The following PCCA variants were observed in gnomAD, a reference collection of about 807,000 sequenced individuals.
PCCA encodes propionyl-CoA carboxylase subunit alpha, also known as propionyl-CoA carboxylase alpha chain, mitochondrial.
Under a neutral mutation model 101.3 loss-of-function variants are expected in PCCA, and 74 were observed. That is an observed-to-expected ratio of 0.73 (90% confidence interval 0.61 to 0.89). The LOEUF (loss-of-function observed/expected upper bound fraction) is 0.89, where lower values mean the gene tolerates loss of function less well. PCCA is among the 40% of genes least tolerant of loss of function. The probability of loss-of-function intolerance (pLI) is 0.00; values close to 1 mark genes in which losing one functional copy is unlikely to be tolerated. For synonymous variants in PCCA, 294 were observed against 313.6 expected (o/e 0.94, Z 0.66); for missense variants, 891 against 907.0 (o/e 0.98, Z 0.23).
chr13:100,221,466 T>A (rs1418711862), intron 7 of PCCA, among the ~76,000 whole-genome samples: 1 of 152,196 alleles, frequency 6.6e-6, no homozygotes, highest in Non-Finnish European at 1.5e-5. Flanking sequence ...TTGGTTATCT[T>A]CTTAGGAGGC....
At chr13:100,314,871 T>C (rs1221911750) in intron 16 of PCCA, among the ~76,000 whole-genome samples, 1 of 152,194 alleles carries the variant, frequency 6.6e-6, no homozygotes, top group African/African-American at 2.4e-5. Flanking sequence ...TGTTTTTCTT[T>C]TGTAGTAAGG....
intron 4 of PCCA, among the ~76,000 whole-genome samples, chr13:100,116,756 A>G (rs777198855): frequency 2.6e-5 from 4 of 152,144 alleles, no homozygotes; most frequent in Non-Finnish European, 4.4e-5. Flanking sequence ...GGAGTTGGCA[A>G]CCTTTTTTTG....
chr13:100,134,830 G>GCCTA (rs2050961075), intron 4 of PCCA, among the ~76,000 whole-genome samples: 1 of 152,108 alleles, frequency 6.6e-6, no homozygotes, highest in South Asian at 2.1e-4. Context: ...GAGCCACCAT[G>GCCTA]CCTAGCCTGT....
intron 19 of PCCA, among the ~76,000 whole-genome samples, chr13:100,414,520 A>G (rs1203783215): frequency 6.6e-6 from 1 of 152,226 alleles, no homozygotes; most frequent in South Asian, 2.1e-4. Context: ...GAGTTTTGTC[A>G]TGCTTTGCCT....
intron 12 of PCCA, among the ~76,000 whole-genome samples, chr13:100,276,213 CAAAAAAAAAAA>C (rs59671834): frequency 2.4e-4 from 25 of 102,140 alleles, no homozygotes; most frequent in African/African-American, 3.2e-4. Context: ...TTGTCTGTAC[CAAAAAAAAAAA>C]AAAAAAAAAA....
At chr13:100,264,424 G>A (rs1400750754) in intron 10 of PCCA, among the ~76,000 whole-genome samples, 2 of 152,058 alleles carry the variant, frequency 1.3e-5, no homozygotes, top group Non-Finnish European at 2.9e-5. Flanking sequence ...ACCTGTGGCC[G>A]CCAAAAGTAA....
At chr13:100,518,794 G>A (rs1258563337) in intron 22 of PCCA, among the ~76,000 whole-genome samples, 2 of 152,086 alleles carry the variant, frequency 1.3e-5, no homozygotes, top group African/African-American at 2.4e-5. Context: ...TTGAAAACTC[G>A]TTTTCTTAGA....
intron 21 of PCCA, among the ~76,000 whole-genome samples, chr13:100,483,748 T>C (rs73564397): frequency 0.02 from 3,079 of 152,312 alleles, 113 homozygotes; most frequent in African/African-American, 0.071. Context: ...TTGTTGCCAT[T>C]TCTAGTCATT....
At chr13:100,340,647 T>C (rs2071164412) in intron 18 of PCCA, among the ~76,000 whole-genome samples, 1 of 152,224 alleles carries the variant, frequency 6.6e-6, no homozygotes, top group African/African-American at 2.4e-5. Context: ...CAGAAACTAG[T>C]GAACACACAA....
intron 17 of PCCA, among the ~76,000 whole-genome samples, chr13:100,333,827 C>CT (rs1219957354): frequency 1.1e-4 from 16 of 152,266 alleles, no homozygotes; most frequent in Non-Finnish European, 1.5e-5. Context: ...TTATACTTCT[C>CT]TTTTTTCCAC....
At chr13:100,124,393 G>A (rs1289592146) in intron 4 of PCCA, among the ~76,000 whole-genome samples, 1 of 152,132 alleles carries the variant, frequency 6.6e-6, no homozygotes, top group African/African-American at 2.4e-5. Flanking sequence ...CCTAAAATTA[G>A]GGAAGTATTC....
In PCCA at chr13:100,478,671, C is replaced by T. The variant is rs1297786968; in HGVS notation, c.1899+29366C>T. On this transcript the variant is annotated intron_variant, in intron 21 of 23. Transcript: ENST00000376285. Reference sequence around the variant, plus strand: ...CTCTTCACAGCCAGGCGTACTGTAGCGGCCTCAGGAGCGGTCACCCTGGGA... The same window carrying T: ...CTCTTCACAGCCAGGCGTACTGTAGTGGCCTCAGGAGCGGTCACCCTGGGA... 7.9e-5 allele frequency among the ~76,000 whole-genome samples: 12 copies of T among 152,274 alleles called. 1 individual carries two copies. In the South Asian group the frequency reaches 1.2e-3, roughly 16 times the overall value.
chr13:100,495,553 G>A (rs1223419513), intron 21 of PCCA, among the ~76,000 whole-genome samples: 1 of 152,108 alleles, frequency 6.6e-6, no homozygotes, highest in Admixed American at 6.5e-5. Context: ...GTATTATTTT[G>A]AATGTTCTTG....
At chr13:100,476,565 T>C (rs1162764234) in intron 21 of PCCA, among the ~76,000 whole-genome samples, 1 of 152,232 alleles carries the variant, frequency 6.6e-6, no homozygotes, top group Non-Finnish European at 1.5e-5. Flanking sequence ...TTAGTTTGCA[T>C]ACCCATGGAA....
intron 20 of PCCA, among the ~76,000 whole-genome samples, chr13:100,443,573 A>T (rs1407761): frequency 6.6e-6 from 1 of 151,936 alleles, no homozygotes; most frequent in Non-Finnish European, 1.5e-5. Flanking sequence ...TCTGCCATGT[A>T]TAGCTGCTTT....
At chr13:100,186,034 A>C (rs929920869) in intron 6 of PCCA, among the ~76,000 whole-genome samples, 3 of 152,224 alleles carry the variant, frequency 2.0e-5, no homozygotes, top group Non-Finnish European at 4.4e-5. Flanking sequence ...TGAGTCTTAA[A>C]AATTATTCAG....
At chr13:100,161,359 T>G (rs1235524660) in intron 6 of PCCA, 1 of 152,160 alleles carries the variant, frequency 6.6e-6, no homozygotes, top group African/African-American at 2.4e-5. Context: ...AGAATCTCAC[T>G]TACAAAGATA....
rs191668569 is a variant in PCCA, at chr13:100,231,463, C to A, written c.601-4379C>A. On this transcript the variant is annotated intron_variant, in intron 7 of 23. Coordinates refer to ENST00000376285, the MANE Select transcript of PCCA (RefSeq NM_000282.4). Reference sequence around the variant, plus strand: ...GGACAGGATCAAGTATTGAAACCAGCCTAGGGAGTTCAAACTTGGTTTTGA... The same window carrying A: ...GGACAGGATCAAGTATTGAAACCAGACTAGGGAGTTCAAACTTGGTTTTGA... Among the ~76,000 whole-genome samples, 11 of 152,136 alleles carry A rather than the reference C, an allele frequency of 7.2e-5. No homozygotes were observed. The East Asian group carries it at 2.1e-3, about 29-fold the overall frequency.
At chr13:100,148,361 A>G (rs1443560883) in intron 4 of PCCA, among the ~76,000 whole-genome samples, 1 of 151,984 alleles carries the variant, frequency 6.6e-6, no homozygotes, top group African/African-American at 2.4e-5. Context: ...CTTGGCTGTC[A>G]CTCTGCCTCT....
Sources: allele counts gnomAD v4.1 joint callset (sites outside exome capture counted in the v4.1 genomes callset), GRCh38; gene constraint gnomAD v4.1.1; transcripts MANE v1.5; gene names NCBI Gene and HGNC (gene_info 2026-07-23, HGNC 2026-07-21).